PACRG: variants seen among roughly 807,000 people sequenced by gnomAD.
PACRG encodes the protein parkin coregulated gene protein.
A neutral mutation model predicts 29.7 loss-of-function variants in PACRG; 29 were observed. The observed-to-expected ratio is 0.98, with a 90% CI of 0.73 to 1.33. The LOEUF is 1.33. Among genes scored for constraint, PACRG ranks in the 40% most tolerant of loss-of-function variants. The pLI is 0.00. For missense variants in PACRG, 279 were observed against 316.2 expected (o/e 0.88, Z 0.89); for synonymous variants, 116 against 118.7 (o/e 0.98, Z 0.15).
intron 4 of PACRG, among the ~76,000 whole-genome samples, chr6:163,296,063 G>C (rs888846909): frequency 6.6e-6 from 1 of 152,146 alleles, no homozygotes; most frequent in African/African-American, 2.4e-5. Flanking sequence ...CAGCCCCTGG[G>C]GGGTGTTAGG....
chr6:163,147,741 G>A (rs911588397), intron 4 of PACRG, among the ~76,000 whole-genome samples: 2 of 152,082 alleles, frequency 1.3e-5, no homozygotes, highest in African/African-American at 2.4e-5. Flanking sequence ...AGTTTTGTTC[G>A]CCTAGACCTT....
chr6:162,906,612 G>A (rs192553467), intron 2 of PACRG, among the ~76,000 whole-genome samples: 4 of 152,284 alleles, frequency 2.6e-5, no homozygotes, highest in Non-Finnish European at 4.4e-5. Context: ...GTTTTCTCAC[G>A]ATCTTCTTCA....
chr6:163,177,396 C>T (rs562812759), intron 4 of PACRG, among the ~76,000 whole-genome samples: 11 of 152,224 alleles, frequency 7.2e-5, no homozygotes, highest in African/African-American at 2.6e-4. Context: ...CTTAGAAAGT[C>T]AGAGCTGGGA....
chr6:162,822,349 G>A (rs770686967), intron 2 of PACRG, among the ~76,000 whole-genome samples: 1 of 152,188 alleles, frequency 6.6e-6, no homozygotes, highest in Non-Finnish European at 1.5e-5. Flanking sequence ...AACCACGTAA[G>A]CAGGCTTGCC....
intron 1 of PACRG, among the ~76,000 whole-genome samples, chr6:162,792,995 A>G (rs1040079): frequency 0.31 from 47,359 of 152,036 alleles, 8,111 homozygotes; most frequent in Admixed American, 0.43. Flanking sequence ...GAGGAACAGT[A>G]GGCTGGGGCT....
At chr6:163,197,726 G>A (rs981638735) in intron 4 of PACRG, among the ~76,000 whole-genome samples, 1 of 151,988 alleles carries the variant, frequency 6.6e-6, no homozygotes, top group Non-Finnish European at 1.5e-5. Flanking sequence ...TGGGCTTACA[G>A]GCCTGAGCCA....
At position 163,200,019 on chromosome 6, in the gene PACRG, C is replaced by T. The variant is rs558761766; in HGVS notation, c.613+110611C>T. ...TGTATTTATCTTTCTGCAGACTTGCCGAAGAATACAAAACATTTGACCCTA... is the reference window on the plus strand; with the variant it reads ...TGTATTTATCTTTCTGCAGACTTGCTGAAGAATACAAAACATTTGACCCTA... On this transcript the variant is annotated intron_variant, in intron 4 of 4. Transcript: ENST00000366888. Among the ~76,000 whole-genome samples, 20 of 152,028 alleles carry T rather than the reference C, an allele frequency of 1.3e-4. No individual in the cohort carries two copies. The South Asian group carries it at 2.3e-3, about 17-fold the overall frequency.
At chr6:162,838,703 T>G (rs1414000804) in intron 2 of PACRG, among the ~76,000 whole-genome samples, 4 of 151,026 alleles carry the variant, frequency 2.6e-5, no homozygotes, top group Non-Finnish European at 5.9e-5. Flanking sequence ...TAACTGGTCA[T>G]CTAGCATTAC....
chr6:162,994,902 T>C (rs1803825176), intron 2 of PACRG, among the ~76,000 whole-genome samples: 1 of 148,856 alleles, frequency 6.7e-6, no homozygotes, highest in South Asian at 2.1e-4. Flanking sequence ...ATGATGGTGA[T>C]GTACAGATGG....
Position 163,304,015 on chromosome 6 carries a change from C to CAAAAAAAAA in PACRG, c.614-10797_614-10789dup, listed in dbSNP as rs59861286. Among the ~76,000 whole-genome samples, 222 of 76,242 alleles carry CAAAAAAAAA rather than the reference C, an allele frequency of 2.9e-3. 10 individuals carry two copies. Among genetic ancestry groups the CAAAAAAAAA allele is most frequent in the African/African-American group, 4.1e-3 (76 of 18,658 alleles). 50.0% of individuals were successfully genotyped at this position (76,242 alleles called of 152,430 possible). ...TGGGTGACAGAGCAAGACTCCATTT[C>CAAAAAAAAA]AAAAAAAAAAAAAAAAAAAAAAAGT... On this transcript the variant is annotated intron_variant, in intron 4 of 4. Transcript: ENST00000366888.
At chr6:163,109,205 A>G (rs992439667) in intron 4 of PACRG, among the ~76,000 whole-genome samples, 4 of 152,228 alleles carry the variant, frequency 2.6e-5, no homozygotes, top group Non-Finnish European at 5.9e-5. Context: ...AAAGAATCCA[A>G]TGGTGTACTC....
chr6:163,039,434 A>C (rs1808492658), intron 2 of PACRG, among the ~76,000 whole-genome samples: 2 of 152,230 alleles, frequency 1.3e-5, no homozygotes, highest in African/African-American at 2.4e-5. Context: ...GTGACTTTGG[A>C]ACTGGAAAAC....
chr6:162,993,015 GA>G (rs1215668911), intron 2 of PACRG, among the ~76,000 whole-genome samples: 2 of 147,626 alleles, frequency 1.4e-5, no homozygotes, highest in African/African-American at 5.0e-5. Flanking sequence ...AGTCATTCAG[GA>G]GCAGGTTGTT....
At chr6:163,043,094 A>G (rs1435208732) in intron 2 of PACRG, 1 of 152,226 alleles carries the variant, frequency 6.6e-6, no homozygotes, top group East Asian at 1.9e-4. Context: ...ACATTGCTCC[A>G]TGTGCAGTTT....
chr6:163,207,217 C>T (rs929121783), intron 4 of PACRG, among the ~76,000 whole-genome samples: 4 of 152,086 alleles, frequency 2.6e-5, no homozygotes, highest in African/African-American at 9.7e-5. Flanking sequence ...AGCAAGCTTT[C>T]CTTTTAGAAA....
intron 4 of PACRG, chr6:163,313,721 C>A (rs1019060999): frequency 6.6e-6 from 1 of 152,248 alleles, no homozygotes; most frequent in African/African-American, 2.4e-5. Context: ...TAGGCCTGAG[C>A]TGTCACCCTC....
intron 2 of PACRG, among the ~76,000 whole-genome samples, chr6:163,058,793 G>A (rs997555375): frequency 2.0e-5 from 3 of 152,126 alleles, no homozygotes; most frequent in African/African-American, 4.8e-5. Context: ...CCAGCTACTC[G>A]GGAGGCTGAG....
At chr6:163,293,882 G>A (rs984472133) in intron 4 of PACRG, among the ~76,000 whole-genome samples, 2 of 151,922 alleles carry the variant, frequency 1.3e-5, no homozygotes, top group African/African-American at 4.8e-5. Flanking sequence ...AAAGAAAATG[G>A]CAATACTAAC....
rs574377630 is a variant in PACRG, at chr6:163,251,357, TTATCTC to T, written c.614-63468_614-63463del. Among the ~76,000 whole-genome samples the T allele has an allele frequency of 6.0e-4, 92 of 152,324 alleles. 1 individual carries two copies. The East Asian group carries it at 0.016, about 26-fold the overall frequency. The stretch of plus-strand genomic sequence containing the variant: ...GCCTTTATTGGGAACTTCTGAAACC[TTATCTC>T]TGCACTTTGGAGGTCGTTGCACATT... On this transcript the variant is annotated intron_variant, in intron 4 of 4. Transcript: ENST00000366888.
Sources: allele counts gnomAD v4.1 joint callset (sites outside exome capture counted in the v4.1 genomes callset), GRCh38; gene constraint gnomAD v4.1.1; transcripts MANE v1.5; gene names NCBI Gene and HGNC (gene_info 2026-07-23, HGNC 2026-07-21).